The following LRTM1 variants were observed in gnomAD, a reference collection of about 807,000 sequenced individuals.
LRTM1 encodes leucine rich repeat transmembrane protein 1.
A neutral mutation model predicts 32.4 loss-of-function variants in LRTM1; 38 were observed. The ratio of observed to expected loss-of-function variants is 1.17; its 90% confidence interval spans 0.91 to 1.54. The LOEUF (loss-of-function observed/expected upper bound fraction) is 1.54. LRTM1 is among the 40% of genes most tolerant of loss of function. The pLI, the probability that LRTM1 is intolerant of heterozygous loss-of-function variation, is 0.00. For missense variants in LRTM1, 466 were observed against 415.4 expected (o/e 1.12, Z -1.06); for synonymous variants, 186 against 169.9 (o/e 1.09, Z -0.74).
intron 1 of LRTM1, among the ~76,000 whole-genome samples, chr3:54,950,129 G>A (rs1252680982): frequency 1.3e-5 from 2 of 152,212 alleles, no homozygotes; most frequent in East Asian, 3.9e-4. Context: ...TGGAAAATGG[G>A]AGTCATAAGT....
At position 54,924,798 on chromosome 3, in the gene LRTM1, C is replaced by G. The variant is rs148479869; in HGVS notation, c.425G>C (p.Gly142Ala). The change falls in exon 2 of 3, where the codon GGA becomes GCA. Residue 142 changes from glycine (G) to alanine (A), a missense_variant. Gly to Ala is a moderately conservative substitution (Grantham distance 60). Transcript: ENST00000273286. ...TATAGTTAGGTTCTCCCAAGTCTCT[C>G]CCAAGGATGTGGGAAGGTGGCTTAT... ...NNISHLPTSL[G>A]ETWENLTILA... 3 of 1,614,084 alleles carry G rather than the reference C, an allele frequency of 1.9e-6. No homozygotes were observed. The African/African-American group carries it at 4.0e-5, about 22-fold the overall frequency.
At chr3:54,928,669 C>CTGCTTGCT (rs750974664), upstream of LRTM1, among the ~76,000 whole-genome samples, 8 of 152,220 alleles carry the variant, frequency 5.3e-5, 1 homozygote, top group African/African-American at 1.9e-4. Flanking sequence ...AACTTCTCAG[C>CTGCTTGCT]TGCTTGCTTG....
intron 1 of LRTM1, among the ~76,000 whole-genome samples, chr3:54,950,492 T>C (rs1701731638): frequency 6.6e-6 from 1 of 152,192 alleles, no homozygotes; most frequent in Admixed American, 6.5e-5. Flanking sequence ...ATGCTGACAA[T>C]AATTATAATT....
chr3:54,942,114 A>G (rs1701485203), intron 1 of LRTM1, among the ~76,000 whole-genome samples: 2 of 152,232 alleles, frequency 1.3e-5, no homozygotes. Context: ...GAGCCTGGCA[A>G]TCCTTTGTTA....
Position 54,918,791 on chromosome 3 carries a change from C to A in LRTM1, c.706G>T (p.Ala236Ser), listed in dbSNP as rs1387598553. The A allele has an allele frequency of 6.2e-7, 1 of 1,613,992 alleles. No homozygotes were observed. Among genetic ancestry groups the A allele is most frequent in the Non-Finnish European group, 8.5e-7 (1 of 1,179,950 alleles). The change falls in exon 3 of 3, where the codon GCT becomes TCT. Residue 236 changes from alanine to serine, a missense_variant. Ala to Ser is a moderately conservative substitution (Grantham distance 99, BLOSUM62 1). Transcript: ENST00000273286. ...HELYQPCPLP[A>S]PDPVSSQAQW... ...GCCTGCGAGGACACTGGATCAGGAG[C>A]AGGAAGAGGGCAGGGCTGGTACAGC...
At chr3:54,954,553 T>G (rs1457441483) in intron 1 of LRTM1, among the ~76,000 whole-genome samples, 1 of 152,190 alleles carries the variant, frequency 6.6e-6, no homozygotes, top group Non-Finnish European at 1.5e-5. Flanking sequence ...TTCCCTTTGA[T>G]TCTCTTCCCT....
intron 1 of LRTM1, among the ~76,000 whole-genome samples, chr3:54,951,523 C>G (rs919913856): frequency 2.6e-5 from 4 of 152,170 alleles, no homozygotes; most frequent in African/African-American, 9.7e-5. Flanking sequence ...TTACTGTGAA[C>G]TTTGAAGCAT....
intron 1 of LRTM1, among the ~76,000 whole-genome samples, chr3:54,925,790 T>G (rs1299027802): frequency 6.6e-6 from 1 of 152,182 alleles, no homozygotes; most frequent in Admixed American, 6.5e-5. Context: ...TTTTAACTAT[T>G]TTAAACAACA....
upstream of LRTM1, among the ~76,000 whole-genome samples, chr3:54,930,792 A>G (rs1450842810): frequency 1.3e-5 from 2 of 152,206 alleles, no homozygotes; most frequent in African/African-American, 4.8e-5. Flanking sequence ...CTGGTAGAGC[A>G]AAAGATCCAA....
chr3:54,955,241 G>A (rs536912489), intron 1 of LRTM1, among the ~76,000 whole-genome samples: 9 of 152,256 alleles, frequency 5.9e-5, no homozygotes, highest in African/African-American at 2.2e-4. Context: ...CAGACATTAG[G>A]GAAGGTGAGG....
At chr3:54,925,265 G>A (rs777126573) in intron 1 of LRTM1, 50 bp from the exon 2 acceptor site, 2 of 1,462,144 alleles carry the variant, frequency 1.4e-6, no homozygotes, top group South Asian at 1.2e-5. Context: ...GTGAGGTGTG[G>A]TATCAGCACT....
At chr3:54,939,073 G>A (rs1166730417) in intron 1 of LRTM1, among the ~76,000 whole-genome samples, 1 of 152,204 alleles carries the variant, frequency 6.6e-6, no homozygotes, top group South Asian at 2.1e-4. Flanking sequence ...TTATTTAGCA[G>A]TTTATTATTT....
Position 54,958,608 on chromosome 3 carries a change from C to T in LRTM1, c.-222+8320G>A, listed in dbSNP as rs115080187. On this transcript the variant is annotated intron_variant, in intron 1 of 2. Transcript: ENST00000493075. ...GCAATAGTTATTATCTTTCTGAGCA[C>T]GAATTTTCTGGAACTAATAGCAAAG... Among the ~76,000 whole-genome samples the T allele has an allele frequency of 1.1e-3, 167 of 152,194 alleles. 1 individual carries two copies. Among genetic ancestry groups the T allele is most frequent in the African/African-American group, 3.8e-3 (158 of 41,522 alleles).
intron 1 of LRTM1, among the ~76,000 whole-genome samples, chr3:54,959,339 G>A (rs1439603301): frequency 6.6e-6 from 1 of 152,186 alleles, no homozygotes; most frequent in Non-Finnish European, 1.5e-5. Flanking sequence ...GGAGCTGGGT[G>A]TGCTTGGGCA....
At chr3:54,965,946 C>A (rs1024080493) in intron 1 of LRTM1, among the ~76,000 whole-genome samples, 2 of 152,038 alleles carry the variant, frequency 1.3e-5, no homozygotes, top group Non-Finnish European at 2.9e-5. Context: ...AGAGAAGCAG[C>A]CTGCATGATT....
intron 1 of LRTM1, among the ~76,000 whole-genome samples, chr3:54,945,088 G>A (rs1055747059): frequency 6.6e-6 from 1 of 152,168 alleles, no homozygotes; most frequent in East Asian, 1.9e-4. Flanking sequence ...AAGCTTGTTT[G>A]TCAGCATCTG....
At chr3:54,928,525 T>A (rs1701094121), upstream of LRTM1, among the ~76,000 whole-genome samples, 1 of 152,170 alleles carries the variant, frequency 6.6e-6, no homozygotes, top group South Asian at 2.1e-4. Flanking sequence ...CACCGTGCAC[T>A]TCTTTGGTCA....
At chr3:54,944,374 G>A (rs1701555235) in intron 1 of LRTM1, among the ~76,000 whole-genome samples, 1 of 151,364 alleles carries the variant, frequency 6.6e-6, no homozygotes, top group Non-Finnish European at 1.5e-5. Context: ...TATTTTGACT[G>A]TTTTATTTTA....
At chr3:54,939,070 G>A (rs1261639240) in intron 1 of LRTM1, among the ~76,000 whole-genome samples, 1 of 152,184 alleles carries the variant, frequency 6.6e-6, no homozygotes, top group Non-Finnish European at 1.5e-5. Context: ...CTGTTATTTA[G>A]CAGTTTATTA....
Sources: allele counts gnomAD v4.1 joint callset (sites outside exome capture counted in the v4.1 genomes callset), GRCh38; gene constraint gnomAD v4.1.1; transcripts MANE v1.5; gene names NCBI Gene and HGNC (gene_info 2026-07-23, HGNC 2026-07-21).